COL26A1: variants seen among roughly 807,000 people sequenced by gnomAD.
COL26A1 encodes the protein collagen type XXVI alpha 1 chain, also known as collagen alpha-1(XXVI) chain.
In COL26A1, 41 loss-of-function variants were observed where a neutral mutation model predicts 59.3. The ratio of observed to expected loss-of-function variants is 0.69; its 90% CI spans 0.54 to 0.90. COL26A1 has a LOEUF of 0.90. COL26A1 is among the 40% of genes least tolerant of loss of function. The pLI is 0.00. For synonymous variants in COL26A1, 266 were observed against 256.0 expected (o/e 1.04, Z -0.37); for missense variants, 612 against 602.3 (o/e 1.02, Z -0.17).
intron 3 of COL26A1, among the ~76,000 whole-genome samples, chr7:101,476,837 A>G (rs1224561819): frequency 7.1e-6 from 1 of 140,910 alleles, no homozygotes; most frequent in African/African-American, 2.7e-5. Flanking sequence ...GTGAGCCACC[A>G]TGCCCAGCCA....
At chr7:101,455,544 C>A (rs898031959) in intron 3 of COL26A1, among the ~76,000 whole-genome samples, 1 of 143,126 alleles carries the variant, frequency 7.0e-6, no homozygotes, top group African/African-American at 2.6e-5. Context: ...ACCTTGTAGC[C>A]CAGGCTGGAG....
intron 1 of COL26A1, among the ~76,000 whole-genome samples, chr7:101,397,451 C>G (rs1236725595): frequency 2.7e-5 from 4 of 146,640 alleles, no homozygotes; most frequent in Non-Finnish European, 6.0e-5. Context: ...TTTCTCCTTC[C>G]TCCTTTCTTT....
At chr7:101,531,073 C>T (rs1003084760) in intron 3 of COL26A1, among the ~76,000 whole-genome samples, 7 of 151,894 alleles carry the variant, frequency 4.6e-5, no homozygotes, top group Non-Finnish European at 7.4e-5. Flanking sequence ...TGGCTTCATG[C>T]CAGTCTCCTG....
At chr7:101,398,496 G>A (rs1791911348) in intron 1 of COL26A1, among the ~76,000 whole-genome samples, 1 of 152,158 alleles carries the variant, frequency 6.6e-6, no homozygotes, top group South Asian at 2.1e-4. Flanking sequence ...ACGGAATCCT[G>A]ACTTTCCCTC....
intron 7 of COL26A1, among the ~76,000 whole-genome samples, chr7:101,546,210 T>C (rs546721864): frequency 1.4e-4 from 22 of 152,280 alleles, no homozygotes; most frequent in Admixed American, 1.3e-4. Flanking sequence ...GCATCATTTC[T>C]GGTTAAGTGT....
intron 3 of COL26A1, among the ~76,000 whole-genome samples, chr7:101,526,493 T>C (rs890501765): frequency 1.3e-5 from 2 of 152,192 alleles, no homozygotes; most frequent in African/African-American, 4.8e-5. Flanking sequence ...GACAGGACCA[T>C]CCATGTGCCT....
At chr7:101,420,228 A>G in intron 2 of COL26A1, 129 bp downstream of exon 2, 1 of 1,081,788 alleles carries the variant, frequency 9.2e-7, no homozygotes, top group Non-Finnish European at 1.4e-6. Flanking sequence ...TTTATGGAGC[A>G]CCTTCTGTAT....
At chr7:101,366,265 T>A (rs1479613076) in intron 1 of COL26A1, among the ~76,000 whole-genome samples, 1 of 152,138 alleles carries the variant, frequency 6.6e-6, no homozygotes, top group African/African-American at 2.4e-5. Flanking sequence ...TTTCTGTGTC[T>A]CATGAGCTAT....
chr7:101,365,819 G>T (rs10953335), intron 1 of COL26A1, among the ~76,000 whole-genome samples: 2 of 150,440 alleles, frequency 1.3e-5, no homozygotes, highest in Non-Finnish European at 3.0e-5. Context: ...GGTGTGGGAA[G>T]GAAAAAAAAA....
chr7:101,433,903 A>G (rs2130328262), intron 2 of COL26A1, among the ~76,000 whole-genome samples: 1 of 152,238 alleles, frequency 6.6e-6, no homozygotes, highest in African/African-American at 2.4e-5. Context: ...ACTTTACTAC[A>G]TGGACCAGCA....
chr7:101,462,534 C>G (rs918411210), intron 3 of COL26A1, among the ~76,000 whole-genome samples: 1 of 151,808 alleles, frequency 6.6e-6, no homozygotes, highest in Admixed American at 6.6e-5. Context: ...TCAGGCTGGT[C>G]TCGAACTCCT....
intron 11 of COL26A1, 21 bp from the exon 12 acceptor site, chr7:101,555,766 T>C (rs1795960188): frequency 1.3e-6 from 2 of 1,596,036 alleles, no homozygotes. Flanking sequence ...GCCCTGACCC[T>C]GCCTGTTTCC....
chr7:101,538,420 C>T (rs1275856769), intron 4 of COL26A1, among the ~76,000 whole-genome samples: 1 of 152,252 alleles, frequency 6.6e-6, no homozygotes, highest in Non-Finnish European at 1.5e-5. Context: ...GCCCCGGCCT[C>T]ACCGCCCATT....
chr7:101,379,865 G>T lies in COL26A1; in HGVS notation c.158+16675G>T, dbSNP rs538253917. 2.0e-5 allele frequency among the ~76,000 whole-genome samples: 3 copies of T among 152,222 alleles called. No homozygotes were observed. In the East Asian group the frequency reaches 5.8e-4, roughly 29 times the overall value. ...AGTTACCTTTTATGGTCTAAAAAGG[G>T]AAGGCATGAATAATCCACCCCTTGT... On this transcript the variant is annotated intron_variant, in intron 1 of 12. Coordinates refer to ENST00000313669, the MANE Select transcript of COL26A1 (RefSeq NM_001278563.3).
At chr7:101,369,236 T>C (rs1274065832) in intron 1 of COL26A1, among the ~76,000 whole-genome samples, 1 of 151,648 alleles carries the variant, frequency 6.6e-6, no homozygotes, top group Non-Finnish European at 1.5e-5. Context: ...GTGAAACCCC[T>C]TCTCTACTAA....
chr7:101,364,317 C>T (rs1033546608), intron 1 of COL26A1, among the ~76,000 whole-genome samples: 8 of 148,622 alleles, frequency 5.4e-5, no homozygotes, highest in South Asian at 4.3e-4. Flanking sequence ...TGTGTCTGTT[C>T]CCTCCGTCTC....
intron 3 of COL26A1, among the ~76,000 whole-genome samples, chr7:101,520,163 T>A (rs935204372): frequency 3.9e-5 from 6 of 152,160 alleles, no homozygotes; most frequent in African/African-American, 1.4e-4. Context: ...GTGTGCATGC[T>A]GAGTAGAGAC....
intron 7 of COL26A1, 46 bp from the exon 8 acceptor site, chr7:101,547,109 GC>G (rs1562800191): frequency 7.2e-7 from 1 of 1,391,694 alleles, no homozygotes; most frequent in South Asian, 1.3e-5. Flanking sequence ...TCCCAGCACT[GC>G]CAGGTCTGCC....
chr7:101,387,561 A>AT (rs535776289), intron 1 of COL26A1, among the ~76,000 whole-genome samples: 2,328 of 144,494 alleles, frequency 0.016, 32 homozygotes, highest in Non-Finnish European at 0.023. Flanking sequence ...TTTTATTTTT[A>AT]TTTTTTTTTG....
Sources: allele counts gnomAD v4.1 joint callset (sites outside exome capture counted in the v4.1 genomes callset), GRCh38; gene constraint gnomAD v4.1.1; transcripts MANE v1.5; gene names NCBI Gene and HGNC (gene_info 2026-07-23, HGNC 2026-07-21).